VPS13B: variants seen among roughly 807,000 people sequenced by gnomAD.
The protein encoded by VPS13B is intermembrane lipid transfer protein VPS13B.
A neutral mutation model predicts 426.4 loss-of-function variants in VPS13B; 285 were observed. The observed-to-expected ratio is 0.67, with a 90% CI of 0.61 to 0.74. VPS13B has a LOEUF of 0.74. Among genes scored for constraint, VPS13B ranks in the 30% least tolerant of loss-of-function variants. VPS13B has a pLI of 0.00. For synonymous variants in VPS13B, 1,676 were observed against 1,676.4 expected, an observed-to-expected ratio of 1.00 and a Z score of 0.01; for missense variants, 4,537 against 4,782.6, an observed-to-expected ratio of 0.95 and a Z score of 1.51.
chr8:99,743,574 A>G (rs12680257), intron 39 of VPS13B, among the ~76,000 whole-genome samples: 30,696 of 152,060 alleles, frequency 0.2, 3,688 homozygotes, highest in East Asian at 0.44. Flanking sequence ...TTCAAACTAT[A>G]CTACAAGGCT....
At chr8:99,553,263 A>T (rs975593517) in intron 30 of VPS13B, among the ~76,000 whole-genome samples, 2 of 152,058 alleles carry the variant, frequency 1.3e-5, no homozygotes, top group Non-Finnish European at 2.9e-5. Flanking sequence ...TGGCTCCAGG[A>T]TGTGTCTGAA....
chr8:99,543,343 T>C (rs1349547560), intron 30 of VPS13B, among the ~76,000 whole-genome samples: 2 of 152,162 alleles, frequency 1.3e-5, no homozygotes, highest in South Asian at 4.1e-4. Context: ...ACGTTACACC[T>C]AAAACCATAA....
intron 34 of VPS13B, among the ~76,000 whole-genome samples, chr8:99,652,545 T>C (rs1234368484): frequency 6.6e-6 from 1 of 152,036 alleles, no homozygotes; most frequent in Non-Finnish European, 1.5e-5. Flanking sequence ...GTTACAGTAA[T>C]TGAGGGTTTT....
intron 33 of VPS13B, among the ~76,000 whole-genome samples, chr8:99,604,390 T>C (rs1380936335): frequency 1.3e-5 from 2 of 152,082 alleles, no homozygotes; most frequent in East Asian, 3.8e-4. Context: ...GACACTTTAC[T>C]AACATCCTTT....
chr8:99,479,486 T>G (rs1384150190), intron 24 of VPS13B, among the ~76,000 whole-genome samples: 1 of 152,206 alleles, frequency 6.6e-6, no homozygotes, highest in Non-Finnish European at 1.5e-5. Context: ...TAACATACAA[T>G]AAACTGCATG....
chr8:99,802,248 A>G (rs924632426), intron 43 of VPS13B, among the ~76,000 whole-genome samples: 1 of 152,096 alleles, frequency 6.6e-6, no homozygotes, highest in African/African-American at 2.4e-5. Flanking sequence ...TAATATAGCA[A>G]TATAGCAAGC....
At position 99,019,122 on chromosome 8, in the gene VPS13B, AACAG is replaced by A. The variant is rs1841760350; in HGVS notation, c.147+5188_147+5191del. Among the ~76,000 whole-genome samples the A allele has an allele frequency of 3.3e-5, 5 of 152,120 alleles. 1 individual carries two copies. The highest frequency in any genetic ancestry group is 3.3e-4 in the Admixed American group (5 of 15,266). On this transcript the variant is annotated intron_variant, in intron 2 of 61. Transcript: ENST00000357162. ...GGTATTCCCTCTTTTTATAATCTCT[AACAG>A]TTTATGTAAGATCAATGTTAGTGGT...
intron 7 of VPS13B, among the ~76,000 whole-genome samples, chr8:99,117,686 C>G (rs1261184744): frequency 6.6e-6 from 1 of 152,060 alleles, no homozygotes; most frequent in East Asian, 1.9e-4. Context: ...TGAAAGCAGC[C>G]AGTCAAAAGA....
chr8:99,497,343 A>C (rs1488233476), intron 25 of VPS13B, among the ~76,000 whole-genome samples: 2 of 142,176 alleles, frequency 1.4e-5, no homozygotes, highest in Non-Finnish European at 3.1e-5. Context: ...CATAAAATAC[A>C]TATATACATA....
chr8:99,745,452 A>G (rs774105155), intron 39 of VPS13B, among the ~76,000 whole-genome samples: 22 of 152,124 alleles, frequency 1.4e-4, no homozygotes, highest in Admixed American at 2.6e-4. Context: ...GTACAGTACA[A>G]TAAGATATTT....
At chr8:99,147,810 CT>C in intron 13 of VPS13B, 30 bp from the exon 14 acceptor site, 1 of 1,329,664 alleles carries the variant, frequency 7.5e-7, no homozygotes, top group Non-Finnish European at 9.9e-7. Flanking sequence ...TAAAAATATT[CT>C]TTATTAATTT....
At chr8:99,845,770 G>A (rs1021460599) in intron 54 of VPS13B, among the ~76,000 whole-genome samples, 1 of 152,108 alleles carries the variant, frequency 6.6e-6, no homozygotes, top group African/African-American at 2.4e-5. Context: ...TTTAAGGTCT[G>A]GATTGTAAAT....
At chr8:99,030,203 TAATTATCTGTTTTTTTTG>T (rs1563493765) in intron 2 of VPS13B, among the ~76,000 whole-genome samples, 2 of 128,304 alleles carry the variant, frequency 1.6e-5, no homozygotes, top group African/African-American at 2.9e-5. Flanking sequence ...TCATTCTTTT[TAATTATCTGTTTTTTTTG>T]TTTTTTTTTT....
chr8:99,688,698 C>T lies in VPS13B; in HGVS notation c.6047-10827C>T, dbSNP rs1372566978. Among the ~76,000 whole-genome samples the T allele has an allele frequency of 2.0e-5, 3 of 152,034 alleles. 1 individual carries two copies. Among genetic ancestry groups the T allele is most frequent in the African/African-American group, 4.8e-5 (2 of 41,322 alleles). ...TCATTAAACATTGTGGGGCCATAGG[C>T]TTTTGGCCCCCTAAAGGTTATCTGA... On this transcript the variant is annotated intron_variant, in intron 35 of 61. Transcript: ENST00000357162.
chr8:99,409,447 G>C (rs567428098), intron 21 of VPS13B, among the ~76,000 whole-genome samples: 2 of 152,222 alleles, frequency 1.3e-5, no homozygotes, highest in East Asian at 3.9e-4. Context: ...GGGATTACAG[G>C]CATGAGCCAC....
At chr8:99,049,490 C>T (rs1177462042) in intron 3 of VPS13B, among the ~76,000 whole-genome samples, 1 of 151,860 alleles carries the variant, frequency 6.6e-6, no homozygotes, top group Admixed American at 6.6e-5. Context: ...GATAGGGCCC[C>T]AATCCCTTCT....
intron 19 of VPS13B, among the ~76,000 whole-genome samples, chr8:99,349,351 A>AAAG (rs1554746375): frequency 3.4e-5 from 5 of 148,758 alleles, no homozygotes; most frequent in South Asian, 2.1e-4. Flanking sequence ...AAAAAAAAAA[A>AAAG]AAAAGAAAAT....
intron 33 of VPS13B, among the ~76,000 whole-genome samples, chr8:99,605,263 A>G (rs1041340246): frequency 1.3e-5 from 2 of 152,224 alleles, no homozygotes; most frequent in Non-Finnish European, 2.9e-5. Flanking sequence ...GGTAGTTAAG[A>G]AAAAGTAGCA....
intron 35 of VPS13B, among the ~76,000 whole-genome samples, chr8:99,670,037 A>G (rs1463576942): frequency 1.3e-5 from 2 of 152,096 alleles, no homozygotes; most frequent in Non-Finnish European, 1.5e-5. Flanking sequence ...GTTTGTTTAT[A>G]TGAATATAAA....
Sources: allele counts gnomAD v4.1 joint callset (sites outside exome capture counted in the v4.1 genomes callset), GRCh38; gene constraint gnomAD v4.1.1; transcripts MANE v1.5; gene names NCBI Gene and HGNC (gene_info 2026-07-23, HGNC 2026-07-21).